Variants in FBXW11 observed in about 807,000 individuals in gnomAD.
FBXW11 encodes the protein F-box/WD repeat-containing protein 11.
Under a neutral mutation model 77.6 loss-of-function variants are expected in FBXW11, and 19 were observed. The ratio of observed to expected loss-of-function variants is 0.24; its 90% confidence interval spans 0.17 to 0.36. The LOEUF (loss-of-function observed/expected upper bound fraction) is 0.36, where lower values mean the gene tolerates loss of function less well. FBXW11 is among the 10% of genes least tolerant of loss of function. The pLI, the probability that FBXW11 is intolerant of heterozygous loss-of-function variation, is 1.00. For synonymous variants in FBXW11, 235 were observed against 249.4 expected (o/e 0.94, Z 0.54); for missense variants, 334 against 704.2 (o/e 0.47, Z 5.95).
chr5:171,972,974 T>C (rs931735352), intron 1 of FBXW11, among the ~76,000 whole-genome samples: 4 of 152,220 alleles, frequency 2.6e-5, no homozygotes, highest in Non-Finnish European at 5.9e-5. Flanking sequence ...AAATAAACTG[T>C]GTAGGCTTTA....
rs187380717 is a variant in FBXW11, at chr5:171,950,990, T to C, written c.147+6607A>G. Among the ~76,000 whole-genome samples the C allele has an allele frequency of 5.3e-5, 8 of 152,022 alleles. No individual in the cohort carries two copies. The East Asian group carries it at 9.7e-4, about 18-fold the overall frequency. ...ATGAACAAAGAAAACAAATATACAA[T>C]GATAAAGAACAAAATGTTAACATTC... On this transcript the variant is annotated intron_variant, in intron 2 of 13. Coordinates refer to ENST00000517395, the MANE Select transcript of FBXW11 (RefSeq NM_001378974.1).
intron 2 of FBXW11, among the ~76,000 whole-genome samples, chr5:171,916,069 A>G (rs758624133): frequency 6.8e-6 from 1 of 147,692 alleles, no homozygotes; most frequent in Non-Finnish European, 1.5e-5. Context: ...GAAGGGGAAC[A>G]TCACACACTG....
At position 171,985,457 on chromosome 5, in the gene FBXW11, T is replaced by TA. The variant is rs1432502979; in HGVS notation, c.45+21000dup. 2.6e-5 allele frequency among the ~76,000 whole-genome samples: 4 copies of TA among 151,578 alleles called. No individual in the cohort carries two copies. The East Asian group carries it at 5.8e-4, about 22-fold the overall frequency. ...CTGGGCAACAGTGAGACCCAGTATC[T>TA]AAAAAAAATTATAAAAATAGACCAG... On this transcript the variant is annotated intron_variant, in intron 1 of 13. Transcript: ENST00000517395.
chr5:171,995,297 A>G (rs1162242083), intron 1 of FBXW11, among the ~76,000 whole-genome samples: 1 of 152,188 alleles, frequency 6.6e-6, no homozygotes, highest in African/African-American at 2.4e-5. Flanking sequence ...ACTGGACCAA[A>G]TGATACTTCC....
At chr5:171,889,527 C>CAAAA (rs34406226) in intron 7 of FBXW11, among the ~76,000 whole-genome samples, 1 of 109,230 alleles carries the variant, frequency 9.2e-6, no homozygotes, top group African/African-American at 3.5e-5. Context: ...GACTCCATCT[C>CAAAA]AAAAAAAAAA....
chr5:171,940,994 T>C (rs1009035874), intron 2 of FBXW11, among the ~76,000 whole-genome samples: 2 of 151,986 alleles, frequency 1.3e-5, no homozygotes. Context: ...AATAACGTAC[T>C]GAATAAAATA....
At chr5:171,945,121 A>C (rs1291923121) in intron 2 of FBXW11, among the ~76,000 whole-genome samples, 2 of 152,250 alleles carry the variant, frequency 1.3e-5, no homozygotes, top group Non-Finnish European at 2.9e-5. Flanking sequence ...ATATAATTTC[A>C]TACAGTGCTA....
intron 2 of FBXW11, among the ~76,000 whole-genome samples, chr5:171,941,065 A>G (rs550099639): frequency 1.3e-5 from 2 of 152,334 alleles, no homozygotes; most frequent in South Asian, 2.1e-4. Flanking sequence ...TGAAAACAGG[A>G]TATTTGTGGA....
intron 2 of FBXW11, among the ~76,000 whole-genome samples, chr5:171,935,481 G>A (rs1201318732): frequency 1.3e-5 from 2 of 152,072 alleles, no homozygotes; most frequent in African/African-American, 4.8e-5. Flanking sequence ...CATGTTGAAA[G>A]GGGCTCCAGG....
At chr5:171,998,682 A>G (rs1383327620) in intron 1 of FBXW11, among the ~76,000 whole-genome samples, 1 of 151,350 alleles carries the variant, frequency 6.6e-6, no homozygotes, top group East Asian at 2.0e-4. Context: ...CTACAATCCC[A>G]GCTACTCGGG....
At chr5:171,952,442 TATATA>T (rs1470570041) in intron 2 of FBXW11, among the ~76,000 whole-genome samples, 5 of 24,548 alleles carry the variant, frequency 2.0e-4, no homozygotes, top group African/African-American at 7.0e-4. Flanking sequence ...TATATATATA[TATATA>T]TTTTTTTTTT....
In FBXW11 at chr5:171,929,243, C is replaced by T. The variant is rs7731384; in HGVS notation, c.148-14838G>A. Among the ~76,000 whole-genome samples, 1,507 of 151,642 alleles carry T rather than the reference C, an allele frequency of 9.9e-3. 21 individuals carry two copies. Among genetic ancestry groups the T allele is most frequent in the African/African-American group, 0.034 (1,414 of 41,298 alleles). On this transcript the variant is annotated intron_variant, in intron 2 of 13. Coordinates refer to ENST00000517395, the MANE Select transcript of FBXW11 (RefSeq NM_001378974.1). ...AAAAATGAGCCAGTGTGGTGGCACG[C>T]GCCTCTAATTCCAGCTACTCAGGAG...
intron 3 of FBXW11, among the ~76,000 whole-genome samples, chr5:171,912,957 A>G (rs959867873): frequency 6.6e-6 from 1 of 152,168 alleles, no homozygotes; most frequent in Non-Finnish European, 1.5e-5. Context: ...TGCTTATGAA[A>G]TAATATCAAG....
chr5:171,909,441 A>G (rs1408665164), intron 4 of FBXW11, among the ~76,000 whole-genome samples: 3 of 152,234 alleles, frequency 2.0e-5, no homozygotes, highest in Admixed American at 6.5e-5. Flanking sequence ...CACAAAATGA[A>G]TAACAGCAAG....
At chr5:171,915,613 C>CTTTGTGTGTGTGTGTG in intron 2 of FBXW11, among the ~76,000 whole-genome samples, 1 of 129,626 alleles carries the variant, frequency 7.7e-6, no homozygotes, top group Middle Eastern at 3.9e-3. Flanking sequence ...GTCACTCATT[C>CTTTGTGTGTGTGTGTG]TGTGTGTGTG....
intron 8 of FBXW11, among the ~76,000 whole-genome samples, chr5:171,877,250 G>C (rs1379836272): frequency 1.3e-5 from 2 of 152,102 alleles, no homozygotes; most frequent in Non-Finnish European, 2.9e-5. Context: ...AGTAGATTTT[G>C]TATTGAGTCT....
chr5:171,927,056 G>A (rs553430117), intron 2 of FBXW11, among the ~76,000 whole-genome samples: 1 of 152,088 alleles, frequency 6.6e-6, no homozygotes, highest in Non-Finnish European at 1.5e-5. Context: ...GAAGATCTAA[G>A]TGTAAAAGAC....
chr5:171,888,899 G>A (rs903520227), intron 7 of FBXW11, among the ~76,000 whole-genome samples: 6 of 152,152 alleles, frequency 3.9e-5, no homozygotes, highest in Non-Finnish European at 8.8e-5. Flanking sequence ...TTGATGGGGC[G>A]GAGGGTAACA....
At chr5:171,973,753 G>A (rs551952380) in intron 1 of FBXW11, among the ~76,000 whole-genome samples, 16 of 152,236 alleles carry the variant, frequency 1.1e-4, no homozygotes, top group African/African-American at 3.9e-4. Context: ...TGAAAACTGG[G>A]GAGTGTTGGG....
Sources: allele counts gnomAD v4.1 joint callset (sites outside exome capture counted in the v4.1 genomes callset), GRCh38; gene constraint gnomAD v4.1.1; transcripts MANE v1.5; gene names NCBI Gene and HGNC (gene_info 2026-07-23, HGNC 2026-07-21).